DMXL2: variants seen among roughly 807,000 people sequenced by gnomAD.
DMXL2 encodes dmX-like protein 2.
DMXL2 carries 103 observed loss-of-function variants against 331.1 expected under a neutral mutation model. That is an observed-to-expected ratio of 0.31 (90% CI 0.27 to 0.37). DMXL2 has a LOEUF of 0.37. DMXL2 is among the 10% of genes least tolerant of loss of function. The pLI is 1.00. For synonymous variants in DMXL2, 1,281 were observed against 1,252.1 expected (o/e 1.02, Z -0.49); for missense variants, 3,171 against 3,642.9 (o/e 0.87, Z 3.33).
rs2040303277 is a variant in DMXL2, at chr15:51,463,502, A to G, written c.7809-6T>C. On this transcript the variant is annotated splice_region_variant and splice_polypyrimidine_tract_variant and intron_variant, in intron 32 of 43. Transcript: ENST00000560891. ...ATGCAGAAGAATCCCGGGACCTATTAAAAAAAATTAACATATCACACTACT... is the reference window on the plus strand; with the variant it reads ...ATGCAGAAGAATCCCGGGACCTATTGAAAAAAATTAACATATCACACTACT... 6.6e-7 allele frequency: 1 copy of G among 1,508,188 alleles called. No homozygotes were observed. The highest frequency in any genetic ancestry group is 9.0e-7 in the Non-Finnish European group (1 of 1,114,050). The allele number at this position is 1,508,188 out of a possible 1,614,324, so 93.4% of individuals were successfully genotyped here.
At position 51,481,449 on chromosome 15, in the gene DMXL2, A is replaced by G. The variant is rs768001656; in HGVS notation, c.5657T>C (p.Phe1886Ser). ...KINLIERKLF[F>S]TTANAHFKVG... ...TTTAAAATGAGCATTTGCAGTGGTA[A>G]AGAATAATTTTCTTTCTATGAGGTT... Residue 1886 changes from phenylalanine to serine, a missense_variant, in exon 24 of 44, where the codon TTT (phenylalanine) becomes TCT (serine). Transcript: ENST00000560891. 6.2e-7 allele frequency: 1 copy of G among 1,612,828 alleles called. No homozygotes were observed.
At chr15:51,522,886 C>G (rs994466237) in intron 13 of DMXL2, among the ~76,000 whole-genome samples, 1 of 152,152 alleles carries the variant, frequency 6.6e-6, no homozygotes, top group Non-Finnish European at 1.5e-5. Flanking sequence ...CACTTTAGAT[C>G]AGGTTTGTTT....
At chr15:51,583,215 C>T (rs1295172929) in intron 1 of DMXL2, among the ~76,000 whole-genome samples, 18 of 103,518 alleles carry the variant, frequency 1.7e-4, no homozygotes, top group African/African-American at 5.1e-4. Context: ...CATGCTGGTG[C>T]GCTGCACCCA....
chr15:51,520,439 C>G (rs1001721624), intron 13 of DMXL2, among the ~76,000 whole-genome samples: 1 of 152,128 alleles, frequency 6.6e-6, no homozygotes, highest in South Asian at 2.1e-4. Flanking sequence ...TAAACATAAA[C>G]GTATACAAAT....
chr15:51,453,457 G>A (rs2141194550), intron 41 of DMXL2, 93 bp downstream of exon 41: 2 of 909,234 alleles, frequency 2.2e-6, no homozygotes, highest in Admixed American at 5.9e-5. Flanking sequence ...AATGCCTAGA[G>A]TGGAAAAACC....
intron 1 of DMXL2, among the ~76,000 whole-genome samples, chr15:51,608,735 C>T (rs2053760564): frequency 6.7e-6 from 1 of 150,304 alleles, no homozygotes; most frequent in Admixed American, 6.7e-5. Flanking sequence ...CACATGTACC[C>T]CTGAAACTAA....
intron 33 of DMXL2, chr15:51,459,957 T>A: frequency 1.0e-6 from 1 of 984,634 alleles, no homozygotes; most frequent in Non-Finnish European, 1.2e-6. Context: ...TAACTGGTAA[T>A]CTATAAAATT....
intron 1 of DMXL2, among the ~76,000 whole-genome samples, 200 bp from the exon 2 acceptor site, chr15:51,576,381 G>T (rs1158944749): frequency 6.6e-6 from 1 of 151,944 alleles, no homozygotes; most frequent in Non-Finnish European, 1.5e-5. Flanking sequence ...GACACTCCAT[G>T]CATTATCATT....
intron 13 of DMXL2, among the ~76,000 whole-genome samples, chr15:51,521,809 C>T (rs1041771635): frequency 6.6e-6 from 1 of 152,134 alleles, no homozygotes; most frequent in African/African-American, 2.4e-5. Flanking sequence ...ACTCTTAGCA[C>T]CTGGTACAAT....
Position 51,564,211 on chromosome 15 carries a change from T to C in DMXL2, c.414A>G (p.Pro138=). 1 of 1,609,322 alleles carries C rather than the reference T, an allele frequency of 6.2e-7. No homozygotes were observed. The highest frequency in any genetic ancestry group is 8.5e-7 in the Non-Finnish European group (1 of 1,178,082). ...ATDSIQLWAP[P]GDDILEEEEE... ...CCTCCTCTTCCAGAATATCATCTCC[T>C]GGAGGAGCCCACAACTGAATAGAAT... Residue 138 remains proline, a synonymous_variant, in exon 5 of 44, where the codon CCA becomes CCG. Coordinates refer to ENST00000560891, the MANE Select transcript of DMXL2 (RefSeq NM_001378457.1).
intron 13 of DMXL2, among the ~76,000 whole-genome samples, chr15:51,533,196 T>C (rs1489050962): frequency 6.6e-6 from 1 of 152,100 alleles, no homozygotes; most frequent in African/African-American, 2.4e-5. Flanking sequence ...GTTTACTGTA[T>C]ATATTTAGAG....
chr15:51,533,310 C>G (rs189467714), intron 13 of DMXL2, among the ~76,000 whole-genome samples: 15 of 151,990 alleles, frequency 9.9e-5, no homozygotes, highest in African/African-American at 3.4e-4. Flanking sequence ...TGTGAGTCAC[C>G]GTGCCTGGCT....
At chr15:51,598,954 A>G (rs1486131834) in intron 1 of DMXL2, among the ~76,000 whole-genome samples, 1 of 152,260 alleles carries the variant, frequency 6.6e-6, no homozygotes, top group Non-Finnish European at 1.5e-5. Flanking sequence ...GATGGCTGCC[A>G]AATGGCAATT....
chr15:51,614,761 G>T (rs1049309439), intron 1 of DMXL2, among the ~76,000 whole-genome samples: 2 of 152,172 alleles, frequency 1.3e-5, no homozygotes, highest in Admixed American at 6.5e-5. Flanking sequence ...AGAGGGCATT[G>T]CAGGCACTCA....
intron 19 of DMXL2, among the ~76,000 whole-genome samples, chr15:51,493,455 T>C (rs1355101396): frequency 6.6e-6 from 1 of 152,014 alleles, no homozygotes; most frequent in Admixed American, 6.6e-5. Flanking sequence ...GTGAAAAAAG[T>C]TATTAGGGAA....
chr15:51,594,965 T>C (rs909844955), intron 1 of DMXL2, among the ~76,000 whole-genome samples: 3 of 152,208 alleles, frequency 2.0e-5, no homozygotes, highest in Non-Finnish European at 2.9e-5. Context: ...GCCAATATCA[T>C]AGTGAATGGG....
At position 51,499,037 on chromosome 15, in the gene DMXL2, G is replaced by A. The variant is rs143033674; in HGVS notation, c.4187C>T (p.Ser1396Phe). 2.1e-3 allele frequency: 3,449 copies of A among 1,613,904 alleles called. 8 individuals carry two copies. Among genetic ancestry groups the A allele is most frequent in the Non-Finnish European group, 2.6e-3 (3,095 of 1,180,018 alleles). Residue 1396 changes from serine (S) to phenylalanine (F), a missense_variant, in exon 18 of 44, where the codon TCT becomes TTT. Ser to Phe is a radical substitution (Grantham distance 155). This residue lies in a region of DMXL2 where 1,674 missense variants were observed against 1,780.2 expected (regional missense o/e 0.94). Coordinates refer to ENST00000560891, the MANE Select transcript of DMXL2 (RefSeq NM_001378457.1). ...DAGEGTKRHLSRTISVSGSTA... is the reference protein window; with the variant it reads ...DAGEGTKRHLFRTISVSGSTA... ...ACTGCCACTTACACTAATAGTTCGA[G>A]AGAGATGTCGCTTAGTTCCTTCTCC...
In DMXL2 at chr15:51,513,447, A is replaced by G. The variant is rs568207192; in HGVS notation, c.2644+995T>C. 7.2e-5 allele frequency among the ~76,000 whole-genome samples: 11 copies of G among 152,332 alleles called. No homozygotes were observed. In the East Asian group the frequency reaches 1.9e-3, roughly 27 times the overall value. On this transcript the variant is annotated intron_variant, in intron 15 of 43. Coordinates refer to ENST00000560891, the MANE Select transcript of DMXL2 (RefSeq NM_001378457.1). ...ACATAATTGAATAACACAAATAAGAAAAGTTTTGTGTATGAAGAAAGATAT... is the reference window on the plus strand; with the variant it reads ...ACATAATTGAATAACACAAATAAGAGAAGTTTTGTGTATGAAGAAAGATAT...
chr15:51,580,272 C>G (rs1162976069), intron 1 of DMXL2, among the ~76,000 whole-genome samples: 1 of 152,100 alleles, frequency 6.6e-6, no homozygotes, highest in Non-Finnish European at 1.5e-5. Flanking sequence ...AGGAGGAAAA[C>G]AGGGTGTTCG....
Sources: gnomAD v4.1 joint callset for allele counts (sites outside exome capture counted in the v4.1 genomes callset) on GRCh38, gnomAD v4.1.1 for gene constraint, gnomAD v4.1.1 regional missense constraint, MANE v1.5 for transcripts, NCBI Gene and HGNC (gene_info 2026-07-23, HGNC 2026-07-21) for gene names.